The following CSMD1 variants were observed in gnomAD, a reference collection of about 807,000 sequenced individuals.
The protein encoded by CSMD1 is CUB and sushi domain-containing protein 1.
CSMD1 carries 213 observed loss-of-function variants against 417.5 expected under a neutral mutation model. The observed-to-expected ratio is 0.51, with a 90% confidence interval of 0.46 to 0.57. The LOEUF is 0.57. Among genes scored for constraint, CSMD1 ranks in the 20% least tolerant of loss-of-function variants. The pLI, the probability that CSMD1 is intolerant of heterozygous loss-of-function variation, is 0.00. For missense variants in CSMD1, 6,923 were observed against 4,529.7 expected, an observed-to-expected ratio of 1.53 and a Z score of -15.17; for synonymous variants, 2,862 against 1,736.8, an observed-to-expected ratio of 1.65 and a Z score of -16.11.
chr8:3,635,742 C>T lies in CSMD1; in HGVS notation c.1010-18945G>A, dbSNP rs111534795. 1.2e-3 allele frequency among the ~76,000 whole-genome samples: 167 copies of T among 142,170 alleles called. 1 individual carries two copies. The highest frequency in any genetic ancestry group is 8.1e-3 in the Middle Eastern group (2 of 246). 93.3% of individuals were successfully genotyped at this position (142,170 alleles called of 152,430 possible). On this transcript the variant is annotated intron_variant, in intron 7 of 69. Coordinates refer to ENST00000635120, the MANE Select transcript of CSMD1 (RefSeq NM_033225.6). ...TCGTGATCTGCCCGCCTCGGCCTCC[C>T]GAAGTGCTGGGATTACAGGTATGAA...
chr8:2,961,017 G>A (rs1193500741), intron 62 of CSMD1, 124 bp downstream of exon 62: 19 of 340,564 alleles, frequency 5.6e-5, no homozygotes, highest in Non-Finnish European at 6.9e-5. Context: ...CCCTTTGAAC[G>A]AATTTTATTC....
At chr8:3,005,905 T>C (rs865959828) in intron 52 of CSMD1, among the ~76,000 whole-genome samples, 2,234 of 151,778 alleles carry the variant, frequency 0.015, 21 homozygotes, top group East Asian at 0.037. Flanking sequence ...CAACATAGTG[T>C]CGGAAGTTCT....
intron 3 of CSMD1, among the ~76,000 whole-genome samples, chr8:4,155,332 T>G (rs1796775027): frequency 6.6e-6 from 1 of 152,188 alleles, no homozygotes; most frequent in African/African-American, 2.4e-5. Context: ...GAGTCTCACC[T>G]GCATGACTCC....
chr8:3,730,522 G>C (rs943786254), intron 6 of CSMD1, among the ~76,000 whole-genome samples: 5 of 152,040 alleles, frequency 3.3e-5, no homozygotes, highest in African/African-American at 7.2e-5. Flanking sequence ...CCAGGTTAGT[G>C]GTAGGGATCA....
At chr8:4,187,223 A>G (rs1380774363) in intron 3 of CSMD1, among the ~76,000 whole-genome samples, 1 of 152,190 alleles carries the variant, frequency 6.6e-6, no homozygotes, top group Non-Finnish European at 1.5e-5. Flanking sequence ...GAGAAAAAAT[A>G]ATATGGAACT....
At chr8:4,227,296 T>C (rs1002520850) in intron 3 of CSMD1, among the ~76,000 whole-genome samples, 2 of 152,164 alleles carry the variant, frequency 1.3e-5, no homozygotes, top group Admixed American at 6.5e-5. Flanking sequence ...CGGTCTGCCT[T>C]GGGGGCTGTC....
chr8:4,286,223 T>C (rs1797047770), intron 3 of CSMD1, among the ~76,000 whole-genome samples: 1 of 152,186 alleles, frequency 6.6e-6, no homozygotes, highest in Non-Finnish European at 1.5e-5. Context: ...TAATTCCTTC[T>C]TGCCAAGCTC....
chr8:4,231,314 G>T (rs1301070770), intron 3 of CSMD1, among the ~76,000 whole-genome samples: 1 of 152,184 alleles, frequency 6.6e-6, no homozygotes, highest in Non-Finnish European at 1.5e-5. Flanking sequence ...TCAGAGTCAT[G>T]GGTCCAACCT....
At chr8:4,889,035 T>C (rs565521548) in intron 1 of CSMD1, among the ~76,000 whole-genome samples, 6 of 152,294 alleles carry the variant, frequency 3.9e-5, no homozygotes, top group Admixed American at 2.6e-4. Flanking sequence ...ATGGCATTTA[T>C]TGTTTCAGGC....
intron 5 of CSMD1, among the ~76,000 whole-genome samples, chr8:3,899,036 G>A (rs968759774): frequency 2.6e-5 from 4 of 152,110 alleles, no homozygotes; most frequent in Non-Finnish European, 5.9e-5. Flanking sequence ...TACGCGTCCA[G>A]GAAAAGAAAA....
At chr8:3,532,762 A>G (rs972398763) in intron 10 of CSMD1, among the ~76,000 whole-genome samples, 1 of 152,222 alleles carries the variant, frequency 6.6e-6, no homozygotes, top group East Asian at 1.9e-4. Context: ...TATAGACAAC[A>G]TAATAATGGT....
chr8:4,233,643 G>T (rs573791213), intron 3 of CSMD1, among the ~76,000 whole-genome samples: 1 of 152,150 alleles, frequency 6.6e-6, no homozygotes, highest in African/African-American at 2.4e-5. Flanking sequence ...AGATGCTCCA[G>T]ATCTGTGAGA....
intron 8 of CSMD1, among the ~76,000 whole-genome samples, chr8:3,616,369 G>C (rs573638213): frequency 1.5e-4 from 23 of 152,214 alleles, no homozygotes; most frequent in Admixed American, 1.2e-3. Flanking sequence ...ATATGAAGAA[G>C]GATGTGTTTG....
intron 5 of CSMD1, among the ~76,000 whole-genome samples, chr8:3,858,013 G>A (rs1339437310): frequency 6.6e-6 from 1 of 152,192 alleles, no homozygotes; most frequent in Non-Finnish European, 1.5e-5. Flanking sequence ...AGATTGCTCT[G>A]CACATGTGTT....
chr8:4,110,635 C>CCTGTG (rs951742469), intron 3 of CSMD1, among the ~76,000 whole-genome samples: 1 of 5,074 alleles, frequency 2.0e-4, no homozygotes, highest in Admixed American at 5.0e-3. Context: ...CTGATATATA[C>CCTGTG]AGGTGTGTGT....
intron 10 of CSMD1, among the ~76,000 whole-genome samples, chr8:3,547,372 T>A (rs1798711806): frequency 5.9e-5 from 9 of 152,216 alleles, no homozygotes; most frequent in Admixed American, 5.9e-4. Flanking sequence ...CAAAACCATT[T>A]AGTTTCCACA....
chr8:3,971,838 A>G lies in CSMD1; in HGVS notation c.818+26065T>C, dbSNP rs1337277913. Among the ~76,000 whole-genome samples the G allele has an allele frequency of 2.0e-5, 3 of 152,270 alleles. No individual in the cohort carries two copies. The South Asian group carries it at 6.2e-4, about 32-fold the overall frequency. ...CTGTCTGTTGCATGAATTATTTGAA[A>G]TATTTAGCTTGCCTGTGTATCTACT... On this transcript the variant is annotated intron_variant, in intron 5 of 69. Transcript: ENST00000635120.
At chr8:3,790,842 C>G (rs562665583) in intron 5 of CSMD1, among the ~76,000 whole-genome samples, 1 of 152,104 alleles carries the variant, frequency 6.6e-6, no homozygotes, top group Non-Finnish European at 1.5e-5. Flanking sequence ...CCCTGAGTAA[C>G]CGTCCCTCTC....
chr8:3,717,878 A>T (rs773643010), intron 6 of CSMD1, among the ~76,000 whole-genome samples: 2 of 152,150 alleles, frequency 1.3e-5, no homozygotes, highest in Non-Finnish European at 2.9e-5. Flanking sequence ...CACCTATCAA[A>T]TTCTGCTCAG....
Sources: allele counts gnomAD v4.1 joint callset (sites outside exome capture counted in the v4.1 genomes callset), GRCh38; gene constraint gnomAD v4.1.1; transcripts MANE v1.5; gene names NCBI Gene and HGNC (gene_info 2026-07-23, HGNC 2026-07-21).